NIM1K: variants seen among roughly 807,000 people sequenced by gnomAD.
The protein encoded by NIM1K is serine/threonine-protein kinase NIM1.
A neutral mutation model predicts 37.1 loss-of-function variants in NIM1K; 35 were observed. The observed-to-expected ratio is 0.94, with a 90% CI of 0.72 to 1.25. The LOEUF (loss-of-function observed/expected upper bound fraction) is 1.25, where lower values mean the gene tolerates loss of function less well. NIM1K is among the 50% of genes most tolerant of loss of function. The probability of loss-of-function intolerance (pLI) is 0.00; values close to 1 mark genes in which losing one functional copy is unlikely to be tolerated. For synonymous variants in NIM1K, 234 were observed against 206.6 expected (o/e 1.13, Z -1.14); for missense variants, 564 against 548.0 (o/e 1.03, Z -0.29).
rs1210776581 is a variant in NIM1K at position 43,277,242 on chromosome 5, G to A, written c.478G>A (p.Gly160Arg). The A allele has an allele frequency of 6.8e-6, 11 of 1,613,920 alleles. No individual in the cohort carries two copies. In the East Asian group the frequency reaches 1.3e-4, roughly 20 times the overall value. Residue 160 changes from glycine to arginine, a missense_variant, in exon 3 of 4, where the codon GGA (glycine) becomes AGA (arginine). By Grantham distance (125) the Gly-to-Arg change is moderately radical. Transcript: ENST00000326035. ...GTATGCAGGGGGTGGGGAGCTCTTC[G>A]GAAAAATTAGCACTGAGGGGAAGCT... ...MEYAGGGELFGKISTEGKLSE... is the reference protein window; with the variant it reads ...MEYAGGGELFRKISTEGKLSE...
chr5:43,214,651 T>TA (rs1398125848), intron 1 of NIM1K, among the ~76,000 whole-genome samples: 1 of 151,530 alleles, frequency 6.6e-6, no homozygotes, highest in African/African-American at 2.4e-5. Flanking sequence ...CCATCTCTAC[T>TA]AAAAATACAA....
At chr5:43,198,970 C>T (rs1751976684) in intron 1 of NIM1K, among the ~76,000 whole-genome samples, 1 of 151,748 alleles carries the variant, frequency 6.6e-6, no homozygotes, top group Non-Finnish European at 1.5e-5. Flanking sequence ...GGGTGGATCA[C>T]CTGAGGTCAG....
At chr5:43,250,688 G>A (rs1466690479) in intron 2 of NIM1K, among the ~76,000 whole-genome samples, 1 of 152,240 alleles carries the variant, frequency 6.6e-6, no homozygotes, top group Non-Finnish European at 1.5e-5. Flanking sequence ...GACAGAAGAT[G>A]TGATTTGGAA....
At chr5:43,260,055 T>C (rs1753004823) in intron 2 of NIM1K, among the ~76,000 whole-genome samples, 1 of 152,208 alleles carries the variant, frequency 6.6e-6, no homozygotes, top group Non-Finnish European at 1.5e-5. Context: ...CTAATTTATG[T>C]TTTTGTATGC....
intron 1 of NIM1K, among the ~76,000 whole-genome samples, chr5:43,204,780 G>GT (rs1752084998): frequency 6.6e-6 from 1 of 152,170 alleles, no homozygotes; most frequent in Non-Finnish European, 1.5e-5. Flanking sequence ...GCTGAGGCGG[G>GT]TGGATTACTT....
chr5:43,234,770 G>T (rs992251442), intron 1 of NIM1K, among the ~76,000 whole-genome samples: 3 of 152,126 alleles, frequency 2.0e-5, no homozygotes, highest in Admixed American at 1.3e-4. Context: ...GAGTAGCGGG[G>T]ATTACAGGTG....
intron 1 of NIM1K, among the ~76,000 whole-genome samples, chr5:43,198,139 CTT>C (rs755397354): frequency 2.5e-5 from 1 of 40,550 alleles, no homozygotes; most frequent in African/African-American, 8.7e-5. Context: ...TGATTTCTTT[CTT>C]TCTTTCTTTC....
chr5:43,276,145 G>C (rs1040706152), intron 2 of NIM1K, among the ~76,000 whole-genome samples: 3 of 152,070 alleles, frequency 2.0e-5, no homozygotes, highest in Non-Finnish European at 4.4e-5. Flanking sequence ...CTCCCGCCTT[G>C]GCCTCCCGAA....
chr5:43,198,204 TTTC>T (rs1210021903), intron 1 of NIM1K, among the ~76,000 whole-genome samples: 19 of 46,668 alleles, frequency 4.1e-4, no homozygotes, highest in African/African-American at 1.1e-3. Context: ...TCTTTCTTTC[TTTC>T]TCTTTCTTTC....
At chr5:43,256,261 G>A (rs1367048021) in intron 2 of NIM1K, among the ~76,000 whole-genome samples, 1 of 144,580 alleles carries the variant, frequency 6.9e-6, no homozygotes, top group Non-Finnish European at 1.6e-5. Context: ...TATTAATCCA[G>A]GCAAGAGATG....
chr5:43,197,579 G>A (rs1751937590), intron 1 of NIM1K, among the ~76,000 whole-genome samples: 1 of 152,214 alleles, frequency 6.6e-6, no homozygotes, highest in South Asian at 2.1e-4. Flanking sequence ...AACAGCGCCA[G>A]CCCTTGAGCT....
chr5:43,258,650 C>T (rs1295013326), intron 2 of NIM1K, among the ~76,000 whole-genome samples: 2 of 152,028 alleles, frequency 1.3e-5, no homozygotes, highest in African/African-American at 2.4e-5. Context: ...GCTATGTTGC[C>T]CAGACTGGTC....
chr5:43,234,566 A>T (rs1022022046), intron 1 of NIM1K, among the ~76,000 whole-genome samples: 2 of 152,010 alleles, frequency 1.3e-5, no homozygotes, highest in African/African-American at 4.8e-5. Context: ...AGGTGGGCAG[A>T]TCAACTGAGG....
intron 3 of NIM1K, among the ~76,000 whole-genome samples, chr5:43,278,490 G>C (rs541087569): frequency 1.7e-4 from 26 of 152,182 alleles, no homozygotes; most frequent in Non-Finnish European, 3.1e-4. Flanking sequence ...GGAGGAACCT[G>C]ACTTGCAGGC....
Position 43,280,427 on chromosome 5 carries a change from T to G in NIM1K, c.1009T>G (p.Phe337Val). The part of the protein sequence containing the change: ...GVPYPTPLEP[F>V]QLDPKHLSET... ...GCCATACCCTACACCTTTGGAACCT[T>G]TCCAACTGGATCCCAAACATTTGTC... Residue 337 changes from phenylalanine (F) to valine (V), a missense_variant, in exon 4 of 4, where the codon TTC becomes GTC. Coordinates refer to ENST00000326035, the MANE Select transcript of NIM1K (RefSeq NM_153361.4). 1 of 1,614,120 alleles carries G rather than the reference T, an allele frequency of 6.2e-7. No individual in the cohort carries two copies. Among genetic ancestry groups the G allele is most frequent in the Non-Finnish European group, 8.5e-7 (1 of 1,180,024 alleles).
chr5:43,207,153 C>G, intron 1 of NIM1K: 1 of 730,062 alleles, frequency 1.4e-6, no homozygotes, highest in Admixed American at 1.8e-5. Context: ...ATTCTACACT[C>G]GAAGCAGTTT....
intron 1 of NIM1K, among the ~76,000 whole-genome samples, chr5:43,241,372 T>C (rs1181943360): frequency 2.6e-5 from 4 of 150,966 alleles, no homozygotes; most frequent in African/African-American, 4.9e-5. Flanking sequence ...GCTCTGCCTT[T>C]AGGCTGGAGT....
At chr5:43,276,992 G>T in intron 2 of NIM1K, 65 bp from the exon 3 acceptor site, 1 of 1,498,816 alleles carries the variant, frequency 6.7e-7, no homozygotes, top group Non-Finnish European at 9.2e-7. Flanking sequence ...GCTGATCCAG[G>T]TCCTCTCCAG....
At chr5:43,241,340 T>C (rs1226247748) in intron 1 of NIM1K, among the ~76,000 whole-genome samples, 1 of 151,426 alleles carries the variant, frequency 6.6e-6, no homozygotes, top group Non-Finnish European at 1.5e-5. Context: ...TTTCTTTTTT[T>C]TTTTTTTTGA....
Sources: gnomAD v4.1 joint callset for allele counts (sites outside exome capture counted in the v4.1 genomes callset) on GRCh38, gnomAD v4.1.1 for gene constraint, MANE v1.5 for transcripts, NCBI Gene and HGNC (gene_info 2026-07-23, HGNC 2026-07-21) for gene names.